Variants in PIK3C2G observed in about 807,000 individuals in gnomAD.
PIK3C2G encodes the protein phosphatidylinositol 3-kinase C2 domain-containing subunit gamma.
In PIK3C2G, 168 loss-of-function variants were observed where a neutral mutation model predicts 181.1. That is an observed-to-expected ratio of 0.93 (90% CI 0.82 to 1.05). The LOEUF is 1.05. Ranked by LOEUF, PIK3C2G falls within the 50% of genes least tolerant of loss-of-function variation. The pLI is 0.00. For synonymous variants in PIK3C2G, 573 were observed against 592.2 expected, an observed-to-expected ratio of 0.97 and a Z score of 0.47; for missense variants, 1,869 against 1,732.8, an observed-to-expected ratio of 1.08 and a Z score of -1.40.
At chr12:18,396,023 C>A (rs1009344088) in intron 15 of PIK3C2G, among the ~76,000 whole-genome samples, 1 of 151,504 alleles carries the variant, frequency 6.6e-6, no homozygotes, top group Non-Finnish European at 1.5e-5. Context: ...TACAGTGAGC[C>A]TTTGGTATGG....
At chr12:18,576,743 T>C (rs1036289406) in intron 29 of PIK3C2G, among the ~76,000 whole-genome samples, 2 of 152,194 alleles carry the variant, frequency 1.3e-5, no homozygotes, top group Admixed American at 1.3e-4. Context: ...ATTCATCACA[T>C]TGGGTTCCAA....
At chr12:18,472,112 G>T (rs1938518290) in intron 18 of PIK3C2G, among the ~76,000 whole-genome samples, 1 of 152,012 alleles carries the variant, frequency 6.6e-6, no homozygotes, top group Admixed American at 6.6e-5. Context: ...CTTCAAATTT[G>T]AAAGGACTTT....
At chr12:18,672,071 T>C in the PIK3C2G span, among the ~76,000 whole-genome samples, 1 of 152,202 alleles carries the variant, frequency 6.6e-6, no homozygotes, top group African/African-American at 2.4e-5. Flanking sequence ...TTTCAGCATA[T>C]GAATTTTATG....
At chr12:18,480,260 G>A (rs1939423731) in intron 18 of PIK3C2G, among the ~76,000 whole-genome samples, 1 of 151,644 alleles carries the variant, frequency 6.6e-6, no homozygotes, top group Non-Finnish European at 1.5e-5. Flanking sequence ...GGGAGAGAGG[G>A]GTCACTATAA....
At chr12:18,650,427 GA>G (rs1255394666), downstream of PIK3C2G, among the ~76,000 whole-genome samples, 2 of 141,902 alleles carry the variant, frequency 1.4e-5, no homozygotes, top group Non-Finnish European at 1.5e-5. Context: ...AATTACATAG[GA>G]ATTTTTTTAA....
chr12:18,469,269 CT>C (rs1938218108), intron 18 of PIK3C2G, among the ~76,000 whole-genome samples: 1 of 152,078 alleles, frequency 6.6e-6, no homozygotes, highest in Non-Finnish European at 1.5e-5. Flanking sequence ...GAAAAGGAGG[CT>C]TTTACCTACA....
intron 24 of PIK3C2G, among the ~76,000 whole-genome samples, chr12:18,537,313 A>G (rs1385507809): frequency 1.3e-5 from 2 of 152,118 alleles, no homozygotes; most frequent in African/African-American, 4.8e-5. Flanking sequence ...TCACCAAATT[A>G]GTGTCAAATT....
rs186286208 is a variant in PIK3C2G at position 18,545,758 on chromosome 12, T to C, written c.3481-565T>C. Among the ~76,000 whole-genome samples, 82 of 151,964 alleles carry C rather than the reference T, an allele frequency of 5.4e-4. 1 individual carries two copies. Among genetic ancestry groups the C allele is most frequent in the Admixed American group, 2.0e-3 (30 of 15,228 alleles). On this transcript the variant is annotated intron_variant, in intron 25 of 32. Transcript: ENST00000538779. ...AGAATCATGGAGTCATAAAAGAACA[T>C]AGGATTAAGAACCAGAGCGGTGAGT...
intron 8 of PIK3C2G, among the ~76,000 whole-genome samples, chr12:18,336,831 T>A (rs541635026): frequency 1.3e-5 from 2 of 152,268 alleles, no homozygotes; most frequent in South Asian, 4.1e-4. Flanking sequence ...ATTCTTCAGG[T>A]TTTTGTCATT....
At chr12:18,387,977 TCGA>T (rs2138022624) in intron 14 of PIK3C2G, among the ~76,000 whole-genome samples, 1 of 152,338 alleles carries the variant, frequency 6.6e-6, no homozygotes, top group Admixed American at 6.5e-5. Context: ...ACTCACTCAT[TCGA>T]AGTATTTTAC....
chr12:18,322,459 A>C lies in PIK3C2G; in HGVS notation c.1208+1427A>C, dbSNP rs1044945951. Among the ~76,000 whole-genome samples, 4 of 151,868 alleles carry C rather than the reference A, an allele frequency of 2.6e-5. No homozygotes were observed. In the South Asian group the frequency reaches 8.3e-4, roughly 31 times the overall value. ...TAAAAATAAATAAAAATGTGAGCTA[A>C]AATTGTTTTTAGTGACTATGTTGGG... On this transcript the variant is annotated intron_variant, in intron 7 of 32. Transcript: ENST00000538779.
At chr12:18,269,718 T>C (rs535646861) in intron 1 of PIK3C2G, among the ~76,000 whole-genome samples, 1 of 152,280 alleles carries the variant, frequency 6.6e-6, no homozygotes, top group Non-Finnish European at 1.5e-5. Flanking sequence ...CTAACAATAA[T>C]GCTTACGCAA....
rs1668689188 is a variant in PIK3C2G, at chr12:18,557,982, T to G, written c.3591-4721T>G. Among the ~76,000 whole-genome samples the G allele has an allele frequency of 1.3e-5, 2 of 152,174 alleles. 1 individual carries two copies. Among genetic ancestry groups the G allele is most frequent in the South Asian group, 4.1e-4 (2 of 4,834 alleles). ...ATTCAAAATCCTTACCTATTGGTTT[T>G]GTGTGTGGGTGAACTTGATAAGCTA... On this transcript the variant is annotated intron_variant, in intron 26 of 32. Coordinates refer to ENST00000538779, the MANE Select transcript of PIK3C2G (RefSeq NM_001288772.2).
At chr12:18,726,337 GT>G in the PIK3C2G span, among the ~76,000 whole-genome samples, 2 of 151,972 alleles carry the variant, frequency 1.3e-5, no homozygotes, top group Non-Finnish European at 2.9e-5. Context: ...TTTAAAAAAC[GT>G]TCCTTAAGTG....
intron 24 of PIK3C2G, among the ~76,000 whole-genome samples, chr12:18,505,930 A>G (rs961127094): frequency 6.6e-5 from 10 of 152,238 alleles, no homozygotes; most frequent in African/African-American, 2.4e-4. Context: ...TATAACAGTA[A>G]ACAAGACAGA....
chr12:18,362,679 T>C, intron 11 of PIK3C2G, 85 bp from the exon 12 acceptor site: 1 of 1,003,640 alleles, frequency 1.0e-6, no homozygotes, highest in South Asian at 1.9e-5. Flanking sequence ...TCATTTGACT[T>C]TTGACTACAA....
intron 18 of PIK3C2G, among the ~76,000 whole-genome samples, chr12:18,464,928 A>G (rs1937690953): frequency 6.6e-6 from 1 of 151,508 alleles, no homozygotes; most frequent in Admixed American, 6.6e-5. Context: ...AATTGCCTTC[A>G]TTTTCTGTTT....
At chr12:18,274,438 T>G (rs1239323311) in intron 1 of PIK3C2G, among the ~76,000 whole-genome samples, 1 of 152,050 alleles carries the variant, frequency 6.6e-6, no homozygotes, top group Non-Finnish European at 1.5e-5. Context: ...ATTAAGAAAA[T>G]GTGGCACATA....
chr12:18,436,812 T>G (rs1946474305), intron 18 of PIK3C2G, among the ~76,000 whole-genome samples: 1 of 151,986 alleles, frequency 6.6e-6, no homozygotes, highest in South Asian at 2.1e-4. Flanking sequence ...TGAATAAGGG[T>G]TTTTGAAACA....
Sources: allele counts gnomAD v4.1 joint callset (sites outside exome capture counted in the v4.1 genomes callset), GRCh38; gene constraint gnomAD v4.1.1; transcripts MANE v1.5; gene names NCBI Gene and HGNC (gene_info 2026-07-23, HGNC 2026-07-21).